The following DET1 variants were observed in gnomAD, a reference collection of about 807,000 sequenced individuals.
The protein encoded by DET1 is DET1 homolog.
DET1 carries 22 observed loss-of-function variants against 43.7 expected under a neutral mutation model. The ratio of observed to expected loss-of-function variants is 0.50; its 90% confidence interval spans 0.36 to 0.72. DET1 has a LOEUF of 0.72. Ranked by LOEUF, DET1 falls within the 30% of genes least tolerant of loss-of-function variation. The pLI, the probability that DET1 is intolerant of heterozygous loss-of-function variation, is 0.00. For missense variants in DET1, 713 were observed against 713.3 expected (o/e 1.00, Z 0.00); for synonymous variants, 315 against 266.2 (o/e 1.18, Z -1.79).
chr15:88,532,301 T>G (rs2056835846), intron 1 of DET1, among the ~76,000 whole-genome samples: 1 of 151,542 alleles, frequency 6.6e-6, no homozygotes, highest in Non-Finnish European at 1.5e-5. Flanking sequence ...AGACTCTATC[T>G]CAAACAAACA....
chr15:88,508,870 C>A (rs372779529), downstream of DET1, among the ~76,000 whole-genome samples: 2 of 152,168 alleles, frequency 1.3e-5, no homozygotes, highest in East Asian at 3.8e-4. Flanking sequence ...GACCAAAGAT[C>A]TTCTAGCAAC....
intron 3 of DET1, among the ~76,000 whole-genome samples, chr15:88,521,768 CTTA>C (rs1346763606): frequency 1.3e-5 from 2 of 151,968 alleles, no homozygotes; most frequent in Admixed American, 6.6e-5. Flanking sequence ...ATTATGATGA[CTTA>C]TTGTTTTTAC....
intron 1 of DET1, chr15:88,536,321 A>G (rs1257772393): frequency 1.3e-6 from 1 of 779,210 alleles, no homozygotes; most frequent in Admixed American, 1.7e-5. Flanking sequence ...CCTTTTTAGT[A>G]TCTGTCCCAC....
intron 1 of DET1, among the ~76,000 whole-genome samples, chr15:88,541,805 T>C (rs976405919): frequency 6.6e-6 from 1 of 152,206 alleles, no homozygotes; most frequent in Non-Finnish European, 1.5e-5. Context: ...AGGCCGTGTT[T>C]TCACCTCGAC....
intron 2 of DET1, among the ~76,000 whole-genome samples, 162 bp from the exon 3 acceptor site, chr15:88,527,948 G>A (rs1272397239): frequency 1.3e-5 from 2 of 152,104 alleles, no homozygotes; most frequent in Non-Finnish European, 2.9e-5. Flanking sequence ...TTACCACTAA[G>A]GTGGAAACAT....
At chr15:88,510,766 T>G (rs1418410881), downstream of DET1, among the ~76,000 whole-genome samples, 6 of 147,116 alleles carry the variant, frequency 4.1e-5, no homozygotes, top group East Asian at 5.4e-4. Flanking sequence ...TTTGTTTTTT[T>G]TTTTGTTTTT....
At chr15:88,522,513 T>TTTTTTTTTTTTG (rs2056521872) in intron 3 of DET1, among the ~76,000 whole-genome samples, 1 of 74,130 alleles carries the variant, frequency 1.3e-5, no homozygotes, top group South Asian at 5.4e-4. Context: ...ATGTTCCTGG[T>TTTTTTTTTTTTG]TTTTTTTTTT....
rs925806939 is a variant in DET1 at position 88,504,193 on chromosome 15, G to C, written c.*2066-206C>G. 1 of 152,128 alleles carries C rather than the reference G, an allele frequency of 6.6e-6. No individual in the cohort carries two copies. The highest frequency in any genetic ancestry group is 1.5e-5 in the Non-Finnish European group (1 of 68,036). The allele number at this position is 152,128 out of a possible 1,614,324, so 9.4% of individuals were successfully genotyped here. On this transcript the variant is annotated intron_variant and NMD_transcript_variant, in intron 7 of 8. Coordinates refer to the DET1 transcript ENST00000557842. This position sits in a 1 kb window ranked among gnomAD's most constrained non-coding sequence, Gnocchi z 4.7. ...GGAAGCCTCAGTTCCTCAGCAAGGA[G>C]ATCTCTCCAGGAGCTTGCCTGTGTG...
intron 3 of DET1, among the ~76,000 whole-genome samples, chr15:88,520,312 C>T (rs1477785646): frequency 6.6e-6 from 1 of 152,140 alleles, no homozygotes; most frequent in Non-Finnish European, 1.5e-5. Context: ...TCCATACTGT[C>T]CAACTTTTCT....
At chr15:88,542,892 G>A (rs567838679) in intron 1 of DET1, among the ~76,000 whole-genome samples, 1 of 152,228 alleles carries the variant, frequency 6.6e-6, no homozygotes, top group South Asian at 2.1e-4. Flanking sequence ...GCCCACTACT[G>A]CCACAAGAAA....
intron 8 of DET1, chr15:88,502,766 T>C (rs1166659539): frequency 6.6e-6 from 1 of 152,240 alleles, no homozygotes; most frequent in Non-Finnish European, 1.5e-5. Flanking sequence ...CTGGTTCCCT[T>C]ACTGATGGTG....
At position 88,522,248 on chromosome 15, in the gene DET1, T is replaced by C. The variant is rs151077218; in HGVS notation, c.1272-5275A>G. Among the ~76,000 whole-genome samples, 174 of 152,328 alleles carry C rather than the reference T, an allele frequency of 1.1e-3. 3 individuals carry two copies. In the Middle Eastern group the frequency reaches 0.031, roughly 27 times the overall value. ...AGCCAGGACAAGCCAGCTCCAGAAC[T>C]GGATGGTCCTGCCAATCTAAAAATT... On this transcript the variant is annotated intron_variant, in intron 3 of 4. Coordinates refer to ENST00000268148, the MANE Select transcript of DET1 (RefSeq NM_001144074.3).
chr15:88,524,735 A>T (rs1415287383), intron 3 of DET1, among the ~76,000 whole-genome samples: 1 of 152,182 alleles, frequency 6.6e-6, no homozygotes, highest in Non-Finnish European at 1.5e-5. Context: ...TTTGTTAAAC[A>T]GATGCTTGAA....
At chr15:88,514,359 T>A (rs956505175) in intron 4 of DET1, among the ~76,000 whole-genome samples, 1 of 152,220 alleles carries the variant, frequency 6.6e-6, no homozygotes, top group African/African-American at 2.4e-5. Flanking sequence ...TAAAAAGTCC[T>A]ATAATCTCCT....
At chr15:88,540,459 C>T (rs1271550806) in intron 1 of DET1, among the ~76,000 whole-genome samples, 2 of 150,418 alleles carry the variant, frequency 1.3e-5, no homozygotes, top group South Asian at 4.2e-4. Context: ...GTTAAATTGC[C>T]TTCTAAAAAA....
chr15:88,533,306 G>A (rs1598340709), intron 1 of DET1, among the ~76,000 whole-genome samples: 1 of 152,296 alleles, frequency 6.6e-6, no homozygotes, highest in East Asian at 1.9e-4. Context: ...TGAGGACATA[G>A]AGGAAGTTGA....
At chr15:88,530,322 C>A (rs1351811279) in intron 2 of DET1, among the ~76,000 whole-genome samples, 2 of 152,114 alleles carry the variant, frequency 1.3e-5, no homozygotes, top group Non-Finnish European at 2.9e-5. Flanking sequence ...GTAGTCCAAA[C>A]CTTGACCTTG....
At chr15:88,506,086 C>A (rs1466886158) in intron 7 of DET1, among the ~76,000 whole-genome samples, 1 of 152,110 alleles carries the variant, frequency 6.6e-6, no homozygotes, top group Non-Finnish European at 1.5e-5. Flanking sequence ...GGAGACCCTC[C>A]CACACAGGCC....
chr15:88,538,924 T>A (rs1278726650), intron 1 of DET1, among the ~76,000 whole-genome samples: 1 of 152,122 alleles, frequency 6.6e-6, no homozygotes, highest in Non-Finnish European at 1.5e-5. Context: ...AGGGCATCCC[T>A]CTTTTGACTC....
Sources: gnomAD v4.1 joint callset for allele counts (sites outside exome capture counted in the v4.1 genomes callset) on GRCh38, gnomAD v4.1.1 for gene constraint, Gnocchi (gnomAD v3.1) non-coding constraint, MANE v1.5 for transcripts, NCBI Gene and HGNC (gene_info 2026-07-23, HGNC 2026-07-21) for gene names.